SLC7A9: variants seen among roughly 807,000 people sequenced by gnomAD.
The protein encoded by SLC7A9 is solute carrier family 7 member 9.
Under a neutral mutation model 54.1 loss-of-function variants are expected in SLC7A9, and 38 were observed. That is an observed-to-expected ratio of 0.70 (90% CI 0.54 to 0.92). SLC7A9 has a LOEUF of 0.92. Ranked by LOEUF, SLC7A9 falls within the 40% of genes least tolerant of loss-of-function variation. The pLI is 0.00. For missense variants in SLC7A9, 537 were observed against 636.1 expected (o/e 0.84, Z 1.68); for synonymous variants, 264 against 258.9 (o/e 1.02, Z -0.19).
At chr19:32,833,120 G>A (rs772042306) in intron 12 of SLC7A9, 29 bp downstream of exon 12, 5 of 1,612,468 alleles carry the variant, frequency 3.1e-6, no homozygotes, top group East Asian at 4.5e-5. Flanking sequence ...ACCTCACAGA[G>A]GCCAAGCGGC....
intron 9 of SLC7A9, among the ~76,000 whole-genome samples, chr19:32,848,101 A>T (rs1210035015): frequency 6.6e-6 from 1 of 150,634 alleles, no homozygotes; most frequent in African/African-American, 2.4e-5. Context: ...TGTAAAGACC[A>T]TCAAGGCTAG....
At chr19:32,830,834 C>G (rs1279298873) in intron 12 of SLC7A9, 150 bp from the exon 13 acceptor site, 5 of 707,196 alleles carry the variant, frequency 7.1e-6, no homozygotes, top group Non-Finnish European at 1.3e-5. Flanking sequence ...TTCCTGCCTT[C>G]TGGTTGGATT....
At chr19:32,843,754 G>T in intron 10 of SLC7A9, 101 bp downstream of exon 10, 1 of 796,870 alleles carries the variant, frequency 1.3e-6, no homozygotes, top group Non-Finnish European at 2.2e-6. Context: ...TCATAGCAAG[G>T]AATAAGGGCA....
At chr19:32,866,713 A>C (rs1185726374) in intron 2 of SLC7A9, among the ~76,000 whole-genome samples, 2 of 152,216 alleles carry the variant, frequency 1.3e-5, no homozygotes, top group Non-Finnish European at 2.9e-5. Flanking sequence ...AAAGTGCTGC[A>C]GCCCATCGTC....
intron 8 of SLC7A9, 33 bp from the exon 9 acceptor site, chr19:32,858,576 C>A (rs371351695): frequency 6.4e-7 from 1 of 1,556,216 alleles, no homozygotes; most frequent in Non-Finnish European, 8.8e-7. Context: ...TCCTGAGGGT[C>A]TTTCTTGGCC....
intron 2 of SLC7A9, among the ~76,000 whole-genome samples, chr19:32,867,805 C>A (rs574879005): frequency 6.7e-6 from 1 of 150,332 alleles, no homozygotes; most frequent in East Asian, 2.0e-4. Context: ...ATTAGCCAGG[C>A]GTAGTGGCAC....
At chr19:32,835,293 G>T (rs1237977981) in intron 11 of SLC7A9, among the ~76,000 whole-genome samples, 1 of 152,072 alleles carries the variant, frequency 6.6e-6, no homozygotes, top group East Asian at 1.9e-4. Context: ...GTAAGGTTTG[G>T]TGTCAATGTT....
chr19:32,851,051 G>T (rs530134330), intron 9 of SLC7A9, among the ~76,000 whole-genome samples: 1 of 152,124 alleles, frequency 6.6e-6, no homozygotes, highest in East Asian at 1.9e-4. Context: ...TTACATGTTA[G>T]ACCTAAAACC....
At chr19:32,864,827 C>G (rs749911505) in intron 2 of SLC7A9, 51 bp from the exon 3 acceptor site, 1 of 1,612,676 alleles carries the variant, frequency 6.2e-7, no homozygotes, top group South Asian at 1.1e-5. Flanking sequence ...GGACCCAGCC[C>G]AGAAGGCCAG....
At chr19:32,869,161 T>C (rs1969066263) in intron 1 of SLC7A9, among the ~76,000 whole-genome samples, 1 of 151,944 alleles carries the variant, frequency 6.6e-6, no homozygotes. Context: ...AGGCAGAGGC[T>C]GCAGTGAGCC....
chr19:32,865,311 CTTAT>C (rs1454392496), intron 2 of SLC7A9, among the ~76,000 whole-genome samples: 4 of 152,146 alleles, frequency 2.6e-5, no homozygotes, highest in Admixed American at 2.6e-4. Context: ...TTTTTATTTA[CTTAT>C]TTATTTAGAG....
intron 8 of SLC7A9, among the ~76,000 whole-genome samples, chr19:32,859,025 G>A (rs968225268): frequency 6.6e-6 from 1 of 151,960 alleles, no homozygotes; most frequent in African/African-American, 2.4e-5. Context: ...CTGACCTTGC[G>A]ATCCACCCAT....
intron 9 of SLC7A9, among the ~76,000 whole-genome samples, chr19:32,844,857 CAAAAAAAAAAAAAAA>C (rs386388892): frequency 5.9e-4 from 18 of 30,314 alleles, no homozygotes; most frequent in African/African-American, 1.8e-3. Flanking sequence ...GAATCCATCT[CAAAAAAAAAAAAAAA>C]AAAAAAAAAA....
rs1284711711 is a variant in SLC7A9 at position 32,858,790 on chromosome 19, T to TTATTTATTTATTTATTTATG, written c.874-248_874-247insCATAAATAAATAAATAAATA. 3.3e-5 allele frequency among the ~76,000 whole-genome samples: 5 copies of TTATTTATTTATTTATTTATG among 151,574 alleles called. No individual in the cohort carries two copies. In the South Asian group the frequency reaches 6.2e-4, roughly 19 times the overall value. On this transcript the variant is annotated intron_variant, in intron 8 of 12. Transcript: ENST00000023064. Reference sequence around the variant, plus strand: ...AATCTTTATTTATTTATTTATTTATTTATTTATTTATTTCTGAGATGGAGC... The same window carrying TTATTTATTTATTTATTTATG: ...AATCTTTATTTATTTATTTATTTATTTATTTATTTATTTATTTATGTATTTATTTATTTCTGAGATGGAGC...
intron 7 of SLC7A9, 61 bp downstream of exon 7, chr19:32,860,545 C>G: frequency 3.1e-6 from 5 of 1,613,462 alleles, no homozygotes; most frequent in Non-Finnish European, 4.2e-6. Context: ...CTCCAGCCTT[C>G]ACCAGGAGAA....
chr19:32,865,545 T>C (rs1215222907), intron 2 of SLC7A9, among the ~76,000 whole-genome samples: 1 of 152,180 alleles, frequency 6.6e-6, no homozygotes, highest in East Asian at 1.9e-4. Context: ...TCCATGCCTG[T>C]GAAGTTCAAG....
chr19:32,849,160 C>T (rs1315742862), intron 9 of SLC7A9, among the ~76,000 whole-genome samples: 2 of 152,026 alleles, frequency 1.3e-5, no homozygotes, highest in Non-Finnish European at 2.9e-5. Context: ...CAAAAGCTAG[C>T]AGAAGGCAAG....
At chr19:32,861,978 A>G in intron 6 of SLC7A9, 140 bp downstream of exon 6, 1 of 738,170 alleles carries the variant, frequency 1.4e-6, no homozygotes, top group Non-Finnish European at 2.4e-6. Context: ...ATCCTTCACA[A>G]AAAGGAAATG....
intron 9 of SLC7A9, among the ~76,000 whole-genome samples, chr19:32,849,655 G>A (rs1228328314): frequency 6.6e-6 from 1 of 150,440 alleles, no homozygotes; most frequent in African/African-American, 2.4e-5. Flanking sequence ...AATAGAAAAA[G>A]AGGGAATCCT....
Sources: allele counts gnomAD v4.1 joint callset (sites outside exome capture counted in the v4.1 genomes callset), GRCh38; gene constraint gnomAD v4.1.1; transcripts MANE v1.5; gene names NCBI Gene and HGNC (gene_info 2026-07-23, HGNC 2026-07-21).